ULK4: variants seen among roughly 807,000 people sequenced by gnomAD.
ULK4 encodes the protein inactive serine/threonine-protein kinase ULK4.
A neutral mutation model predicts 160.6 loss-of-function variants in ULK4; 133 were observed. That is an observed-to-expected ratio of 0.83 (90% CI 0.72 to 0.96). The LOEUF (loss-of-function observed/expected upper bound fraction) is 0.96. ULK4 is among the 40% of genes least tolerant of loss of function. The pLI is 0.00. For synonymous variants in ULK4, 534 were observed against 539.8 expected, an observed-to-expected ratio of 0.99 and a Z score of 0.15; for missense variants, 1,580 against 1,499.5, an observed-to-expected ratio of 1.05 and a Z score of -0.89.
At chr3:41,612,104 T>C (rs774959057) in intron 31 of ULK4, among the ~76,000 whole-genome samples, 1 of 152,224 alleles carries the variant, frequency 6.6e-6, no homozygotes, top group South Asian at 2.1e-4. Context: ...TTAGGTATTA[T>C]AGGAAATCCA....
chr3:41,935,238 T>A (rs75562993), intron 4 of ULK4, among the ~76,000 whole-genome samples: 123,088 of 139,074 alleles, frequency 0.89, 56,155 homozygotes, highest in Non-Finnish European at 0.98. Context: ...TTTTTTTTTT[T>A]TTTTTTTGAG....
intron 32 of ULK4, among the ~76,000 whole-genome samples, chr3:41,468,953 C>A (rs1314196229): frequency 6.6e-6 from 1 of 152,166 alleles, no homozygotes; most frequent in Non-Finnish European, 1.5e-5. Context: ...GCTTTGTGTA[C>A]CTGTCAGCAG....
intron 35 of ULK4, among the ~76,000 whole-genome samples, chr3:41,267,709 G>A (rs2079068068): frequency 6.6e-6 from 1 of 152,156 alleles, no homozygotes; most frequent in South Asian, 2.1e-4. Flanking sequence ...ATCAGCCACA[G>A]TGAAAAGTCC....
intron 30 of ULK4, among the ~76,000 whole-genome samples, chr3:41,654,350 T>C (rs1421809753): frequency 3.0e-4 from 45 of 152,192 alleles, no homozygotes; most frequent in Non-Finnish European, 6.2e-4. Flanking sequence ...CCATTAGCAG[T>C]TGAATCAAGA....
intron 27 of ULK4, among the ~76,000 whole-genome samples, chr3:41,694,606 A>G (rs1462807862): frequency 1.3e-5 from 2 of 152,204 alleles, no homozygotes; most frequent in African/African-American, 4.8e-5. Context: ...CCCTTTCCCT[A>G]TACCAAAATC....
chr3:41,807,633 G>A (rs1009481520), intron 19 of ULK4, among the ~76,000 whole-genome samples: 1 of 152,156 alleles, frequency 6.6e-6, no homozygotes. Context: ...TCTAGAGCAT[G>A]AAAAGTAGTA....
intron 22 of ULK4, among the ~76,000 whole-genome samples, chr3:41,745,239 C>T (rs555005123): frequency 6.0e-5 from 9 of 150,524 alleles, no homozygotes; most frequent in Non-Finnish European, 1.2e-4. Context: ...ATAGAGAAAA[C>T]AAAAAGCTGG....
At chr3:41,745,362 A>G (rs1254481875) in intron 22 of ULK4, among the ~76,000 whole-genome samples, 4 of 150,088 alleles carry the variant, frequency 2.7e-5, no homozygotes, top group Non-Finnish European at 5.9e-5. Flanking sequence ...AAAAGATAAA[A>G]TGGAATACTA....
chr3:41,373,656 T>C (rs187562109), intron 35 of ULK4, among the ~76,000 whole-genome samples: 3 of 152,174 alleles, frequency 2.0e-5, no homozygotes, highest in African/African-American at 2.4e-5. Context: ...GGGAAATTAA[T>C]AGCAATAAAT....
chr3:41,914,082 A>C (rs1698889398), intron 8 of ULK4, among the ~76,000 whole-genome samples: 1 of 152,226 alleles, frequency 6.6e-6, no homozygotes, highest in African/African-American at 2.4e-5. Flanking sequence ...AAATGACTTT[A>C]GGTTGTATTT....
intron 30 of ULK4, among the ~76,000 whole-genome samples, chr3:41,622,723 A>T (rs2033315889): frequency 6.6e-6 from 1 of 152,208 alleles, no homozygotes; most frequent in Non-Finnish European, 1.5e-5. Context: ...CTATGTAACA[A>T]ACTTGCATGT....
chr3:41,411,175 C>G (rs182207722), intron 34 of ULK4, among the ~76,000 whole-genome samples: 12 of 152,242 alleles, frequency 7.9e-5, no homozygotes, highest in African/African-American at 2.9e-4. Context: ...TAAGGTCCCT[C>G]GAACATCTGA....
chr3:41,640,521 A>G (rs920416607), intron 30 of ULK4, among the ~76,000 whole-genome samples: 9 of 152,208 alleles, frequency 5.9e-5, no homozygotes, highest in Non-Finnish European at 1.0e-4. Context: ...AGAACTGAGG[A>G]GGTGACCAGA....
chr3:41,655,030 G>A (rs1341760866), intron 30 of ULK4, among the ~76,000 whole-genome samples: 1 of 151,970 alleles, frequency 6.6e-6, no homozygotes, highest in African/African-American at 2.4e-5. Context: ...TAAAGTTGGT[G>A]GGACTCAGTG....
intron 21 of ULK4, among the ~76,000 whole-genome samples, 198 bp downstream of exon 21, chr3:41,789,463 G>A (rs1407851328): frequency 6.6e-6 from 1 of 152,152 alleles, no homozygotes; most frequent in Non-Finnish European, 1.5e-5. Flanking sequence ...GCCATTTAAA[G>A]AATTTCTATT....
At chr3:41,709,452 T>C (rs2037015190) in intron 25 of ULK4, among the ~76,000 whole-genome samples, 1 of 152,194 alleles carries the variant, frequency 6.6e-6, no homozygotes, top group Non-Finnish European at 1.5e-5. Context: ...ACTGGCATGA[T>C]CTCGGTTCAC....
intron 32 of ULK4, among the ~76,000 whole-genome samples, chr3:41,511,197 A>T (rs2085564932): frequency 6.6e-6 from 1 of 151,732 alleles, no homozygotes; most frequent in Non-Finnish European, 1.5e-5. Flanking sequence ...CTGAAAGAGC[A>T]CAAACAGACG....
chr3:41,509,015 A>G (rs1256395), intron 32 of ULK4, among the ~76,000 whole-genome samples: 127,663 of 151,952 alleles, frequency 0.84, 54,935 homozygotes, highest in Non-Finnish European at 0.94. Flanking sequence ...GTTAATTATT[A>G]AGCTAATCAA....
intron 2 of ULK4, among the ~76,000 whole-genome samples, chr3:41,942,721 G>A (rs1717023): frequency 0.68 from 104,091 of 151,972 alleles, 39,169 homozygotes; most frequent in East Asian, 0.83. Flanking sequence ...GGAGGCTGAG[G>A]CAGGAGAATC....
Sources: allele counts gnomAD v4.1 joint callset (sites outside exome capture counted in the v4.1 genomes callset), GRCh38; gene constraint gnomAD v4.1.1; transcripts MANE v1.5; gene names NCBI Gene and HGNC (gene_info 2026-07-23, HGNC 2026-07-21).